Variants in CTDSPL2 observed in about 807,000 individuals in gnomAD.
The protein encoded by CTDSPL2 is CTD small phosphatase-like protein 2.
CTDSPL2 carries 5 observed loss-of-function variants against 60.0 expected under a neutral mutation model. The ratio of observed to expected loss-of-function variants is 0.08; its 90% CI spans 0.04 to 0.18. The LOEUF is 0.18. CTDSPL2 is among the 10% of genes least tolerant of loss of function. The probability of loss-of-function intolerance (pLI) is 1.00; values close to 1 mark genes in which losing one functional copy is unlikely to be tolerated. For missense variants in CTDSPL2, 370 were observed against 548.8 expected (o/e 0.67, Z 3.26); for synonymous variants, 186 against 189.3 (o/e 0.98, Z 0.14).
At chr15:44,432,992 G>A (rs576609236) in intron 1 of CTDSPL2, among the ~76,000 whole-genome samples, 5 of 151,998 alleles carry the variant, frequency 3.3e-5, no homozygotes, top group Non-Finnish European at 7.4e-5. Context: ...TGGGATTCTA[G>A]CATGGAAATG....
intron 1 of CTDSPL2, among the ~76,000 whole-genome samples, chr15:44,450,741 G>T (rs1046354822): frequency 6.6e-6 from 1 of 151,428 alleles, no homozygotes; most frequent in Non-Finnish European, 1.5e-5. Context: ...GATTACAGGC[G>T]CCTGCCACCA....
chr15:44,484,101 T>A (rs373516606), intron 2 of CTDSPL2, 123 bp from the exon 3 acceptor site: 3 of 859,736 alleles, frequency 3.5e-6, no homozygotes, highest in Non-Finnish European at 1.7e-6. Context: ...AATTGCATTT[T>A]GTTTTTCCTG....
intron 1 of CTDSPL2, among the ~76,000 whole-genome samples, chr15:44,444,894 C>T (rs1249284531): frequency 1.7e-5 from 2 of 121,160 alleles, no homozygotes; most frequent in Admixed American, 1.0e-4. Context: ...GTTGCCCAGG[C>T]TGGAGTGCAG....
At position 44,445,091 on chromosome 15, in the gene CTDSPL2, G is replaced by T. The variant is rs139488097; in HGVS notation, c.-24-13900G>T. On this transcript the variant is annotated intron_variant, in intron 1 of 12. Transcript: ENST00000260327. ...GATCTCCAGACCTTGTGATCCGCCC[G>T]CCTCGGCCTCCCAGAGTGCTGGGAT... is the stretch of plus-strand genomic sequence containing the variant. Among the ~76,000 whole-genome samples, 845 of 151,590 alleles carry T rather than the reference G, an allele frequency of 5.6e-3. 3 individuals are homozygous for T. Among genetic ancestry groups the T allele is most frequent in the Admixed American group, 9.6e-3 (146 of 15,222 alleles).
rs554190757 is a variant in CTDSPL2, at chr15:44,463,468, G to C, written c.186+4268G>C. 2.6e-5 allele frequency among the ~76,000 whole-genome samples: 4 copies of C among 152,196 alleles called. No homozygotes were observed. The East Asian group carries it at 7.7e-4, about 29-fold the overall frequency. ...TCTTATTTATTAATTAACATTTTTGGGTAAGGTTTTTCATACAGCTACAAA... is the reference window on the plus strand; with the variant it reads ...TCTTATTTATTAATTAACATTTTTGCGTAAGGTTTTTCATACAGCTACAAA... On this transcript the variant is annotated intron_variant, in intron 2 of 12. Transcript: ENST00000260327.
intron 8 of CTDSPL2, among the ~76,000 whole-genome samples, chr15:44,504,054 C>G (rs1270185622): frequency 6.6e-6 from 1 of 152,016 alleles, no homozygotes; most frequent in Non-Finnish European, 1.5e-5. Flanking sequence ...TATCACAGAA[C>G]AAGAGAAGTA....
chr15:44,454,814 G>C (rs958655945), intron 1 of CTDSPL2, among the ~76,000 whole-genome samples: 21 of 152,314 alleles, frequency 1.4e-4, no homozygotes, highest in African/African-American at 5.1e-4. Context: ...GTACCATGCT[G>C]TTTTGGTTAC....
At chr15:44,427,926 C>T (rs1377625914) in intron 1 of CTDSPL2, 154 bp downstream of exon 1, 10 of 366,968 alleles carry the variant, frequency 2.7e-5, no homozygotes, top group Non-Finnish European at 4.8e-5. Flanking sequence ...CTCGTACGTC[C>T]ACTGTGCGGA....
chr15:44,468,456 A>G lies in CTDSPL2; in HGVS notation c.186+9256A>G, dbSNP rs927107750. On this transcript the variant is annotated intron_variant, in intron 2 of 12. Coordinates refer to ENST00000260327, the MANE Select transcript of CTDSPL2 (RefSeq NM_016396.3). The stretch of plus-strand genomic sequence containing the variant: ...GGTTTATCAATTTCATTATTCGTTC[A>G]AAGGGATTTTTAATATTAACTGTTC... Among the ~76,000 whole-genome samples, 6 of 152,210 alleles carry G rather than the reference A, an allele frequency of 3.9e-5. No homozygotes were observed. In the South Asian group the frequency reaches 8.3e-4, roughly 21 times the overall value.
chr15:44,451,632 A>G (rs2080336441), intron 1 of CTDSPL2, among the ~76,000 whole-genome samples: 1 of 151,980 alleles, frequency 6.6e-6, no homozygotes, highest in East Asian at 1.9e-4. Flanking sequence ...TGTTTCTATC[A>G]TGTCTTATAA....
At chr15:44,475,499 T>G (rs2080897577) in intron 2 of CTDSPL2, among the ~76,000 whole-genome samples, 1 of 151,768 alleles carries the variant, frequency 6.6e-6, no homozygotes, top group Non-Finnish European at 1.5e-5. Context: ...ATTAGCTGGG[T>G]GTGGTGGTGG....
At chr15:44,505,253 G>A (rs2081440658) in intron 8 of CTDSPL2, among the ~76,000 whole-genome samples, 1 of 151,942 alleles carries the variant, frequency 6.6e-6, no homozygotes, top group Non-Finnish European at 1.5e-5. Context: ...GCAATGTAGT[G>A]AGACCTTGTC....
intron 2 of CTDSPL2, among the ~76,000 whole-genome samples, chr15:44,466,353 T>G (rs995719052): frequency 6.6e-6 from 1 of 152,182 alleles, no homozygotes; most frequent in Non-Finnish European, 1.5e-5. Flanking sequence ...ATTGAAGTAA[T>G]TTGCCACTTA....
At position 44,451,744 on chromosome 15, in the gene CTDSPL2, G is replaced by A. The variant is rs145297334; in HGVS notation, c.-24-7247G>A. Among the ~76,000 whole-genome samples the A allele has an allele frequency of 4.0e-3, 610 of 152,114 alleles. 15 individuals are homozygous for A. Among genetic ancestry groups the A allele is most frequent in the East Asian group, 0.038 (197 of 5,176 alleles). ...TTGGTTGTTTAGCAGTAACTTCCAT[G>A]GGCAGAAAAAAATCTATGAAATTTA... On this transcript the variant is annotated intron_variant, in intron 1 of 12. Transcript: ENST00000260327.
At chr15:44,429,798 G>A (rs1421467120) in intron 1 of CTDSPL2, among the ~76,000 whole-genome samples, 2 of 152,146 alleles carry the variant, frequency 1.3e-5, no homozygotes, top group Admixed American at 6.5e-5. Context: ...CCCAGGAGGC[G>A]GAGGCTGCAG....
chr15:44,460,476 A>G (rs1338721625), intron 2 of CTDSPL2, among the ~76,000 whole-genome samples: 2 of 151,924 alleles, frequency 1.3e-5, no homozygotes, highest in Non-Finnish European at 2.9e-5. Context: ...TTTTTTTATG[A>G]CTTTACTATT....
chr15:44,439,270 T>C (rs2080035133), intron 1 of CTDSPL2, among the ~76,000 whole-genome samples: 1 of 152,026 alleles, frequency 6.6e-6, no homozygotes, highest in Non-Finnish European at 1.5e-5. Flanking sequence ...TGCCTCAGAC[T>C]CCCGAGTAGC....
intron 10 of CTDSPL2, 47 bp downstream of exon 10, chr15:44,514,891 T>C: frequency 9.3e-7 from 1 of 1,075,926 alleles, no homozygotes. Context: ...CACTGATCTA[T>C]GAAATTACTG....
chr15:44,518,112 G>GT (rs1299957525), intron 10 of CTDSPL2, among the ~76,000 whole-genome samples: 1 of 152,124 alleles, frequency 6.6e-6, no homozygotes, highest in Admixed American at 6.5e-5. Flanking sequence ...TGGTAGCACT[G>GT]TGACAGATTT....
Sources: gnomAD v4.1 joint callset for allele counts (sites outside exome capture counted in the v4.1 genomes callset) on GRCh38, gnomAD v4.1.1 for gene constraint, MANE v1.5 for transcripts, NCBI Gene and HGNC (gene_info 2026-07-23, HGNC 2026-07-21) for gene names.